Variants in KLHL5 observed in about 807,000 individuals in gnomAD.
KLHL5 encodes the protein kelch like family member 5.
In KLHL5, 48 loss-of-function variants were observed where a neutral mutation model predicts 77.7. The observed-to-expected ratio is 0.62, with a 90% CI of 0.49 to 0.79. The LOEUF (loss-of-function observed/expected upper bound fraction) is 0.79, where lower values mean the gene tolerates loss of function less well. KLHL5 is among the 30% of genes least tolerant of loss of function. The pLI is 0.00. For missense variants in KLHL5, 723 were observed against 859.7 expected (o/e 0.84, Z 1.99); for synonymous variants, 260 against 297.0 (o/e 0.88, Z 1.28).
Position 39,062,466 on chromosome 4 carries a change from G to GTTCT in KLHL5, c.-184_-181dup, listed in dbSNP as rs527903313. 2.3e-4 allele frequency: 353 copies of GTTCT among 1,566,232 alleles called. 4 individuals carry two copies. In the East Asian group the frequency reaches 6.6e-3, roughly 29 times the overall value. On this transcript the variant is annotated 5_prime_UTR_variant, in exon 1 of 11. An upstream open reading frame in the 5' UTR gains an earlier in-frame stop. Coordinates refer to ENST00000504108, the MANE Select transcript of KLHL5 (RefSeq NM_015990.5). ...GTTTCATCTTTATTCATTATCCTTT[G>GTTCT]TTCTTTAAAATCTGATATATTGGCA...
intron 8 of KLHL5, among the ~76,000 whole-genome samples, chr4:39,110,781 G>T (rs1722401342): frequency 6.6e-6 from 1 of 152,004 alleles, no homozygotes; most frequent in African/African-American, 2.4e-5. Flanking sequence ...TTGCATTCTT[G>T]ATCATAATTT....
chr4:39,134,442 T>C, the KLHL5 span, among the ~76,000 whole-genome samples: 1 of 152,216 alleles, frequency 6.6e-6, no homozygotes, highest in African/African-American at 2.4e-5. Flanking sequence ...GCAAACTAGC[T>C]AGTAAATGTC....
At chr4:39,130,062 G>C (rs1204029011), downstream of KLHL5, among the ~76,000 whole-genome samples, 4 of 152,140 alleles carry the variant, frequency 2.6e-5, no homozygotes, top group Admixed American at 2.6e-4. Flanking sequence ...GCTCGGTCGG[G>C]GAGACCCTAA....
chr4:39,139,546 AG>A, the KLHL5 span, among the ~76,000 whole-genome samples: 1 of 152,230 alleles, frequency 6.6e-6, no homozygotes, highest in Admixed American at 6.5e-5. Context: ...TGTGGACTTT[AG>A]GTGATGATGC....
intron 1 of KLHL5, among the ~76,000 whole-genome samples, chr4:39,054,271 C>G (rs2711955): frequency 0.73 from 110,587 of 152,022 alleles, 40,375 homozygotes; most frequent in East Asian, 0.82. Context: ...GCAAGAAGCA[C>G]TGTGGTGTAT....
At chr4:39,137,706 G>C in the KLHL5 span, among the ~76,000 whole-genome samples, 2 of 152,158 alleles carry the variant, frequency 1.3e-5, no homozygotes, top group East Asian at 3.8e-4. Context: ...AGGTGAACCG[G>C]GAACATCTTA....
chr4:39,103,275 A>G lies in KLHL5; in HGVS notation c.1301-12A>G, dbSNP rs1480051915. ...ATTTCTATTTACATAACTTCTATAT[A>G]TTACTATGAAGGAGCAACAAGCATT... On this transcript the variant is annotated splice_polypyrimidine_tract_variant and intron_variant, in intron 6 of 10. Transcript: ENST00000504108. The G allele has an allele frequency of 6.3e-7, 1 of 1,584,298 alleles. No homozygotes were observed. Among genetic ancestry groups the G allele is most frequent in the Non-Finnish European group, 8.6e-7 (1 of 1,159,158 alleles).
chr4:39,130,598 T>A (rs540809936), downstream of KLHL5, among the ~76,000 whole-genome samples: 185 of 152,218 alleles, frequency 1.2e-3, no homozygotes, highest in African/African-American at 3.9e-3. Flanking sequence ...TCACTCCAGG[T>A]GTGACATCTT....
At chr4:39,128,388 G>A (rs1250192664), downstream of KLHL5, among the ~76,000 whole-genome samples, 1 of 152,134 alleles carries the variant, frequency 6.6e-6, no homozygotes, top group East Asian at 1.9e-4. Flanking sequence ...TAGGAGAGGG[G>A]TGGAAAGCCT....
intron 2 of KLHL5, among the ~76,000 whole-genome samples, chr4:39,077,694 TAAA>T (rs60744492): frequency 1.6e-5 from 2 of 128,598 alleles, no homozygotes; most frequent in Admixed American, 7.7e-5. Context: ...GAACTAAAGG[TAAA>T]AAAAAAAAAA....
At chr4:39,082,729 T>A (rs765093444) in intron 4 of KLHL5, among the ~76,000 whole-genome samples, 1 of 152,184 alleles carries the variant, frequency 6.6e-6, no homozygotes, top group Non-Finnish European at 1.5e-5. Context: ...CAAACCCCCA[T>A]GATACAAGTG....
chr4:39,134,046 G>A, the KLHL5 span: 1 of 152,014 alleles, frequency 6.6e-6, no homozygotes, highest in Non-Finnish European at 1.5e-5. Context: ...AAAGAAAATG[G>A]TAAGCCAAGG....
At chr4:39,068,293 A>C (rs1441631759) in intron 1 of KLHL5, among the ~76,000 whole-genome samples, 1 of 152,054 alleles carries the variant, frequency 6.6e-6, no homozygotes, top group Non-Finnish European at 1.5e-5. Context: ...ATGTGTTTCC[A>C]GGGATAGCAG....
rs3043410 is a variant in KLHL5 at position 39,105,150 on chromosome 4, A to T, written c.1525+1639A>T. 9.8e-3 allele frequency among the ~76,000 whole-genome samples: 1,449 copies of T among 147,214 alleles called. 30 individuals are homozygous for T. The highest frequency in any genetic ancestry group is 0.034 in the African/African-American group (1,356 of 40,124). ...TCATTTAAAAAAGGAGTTCTGCTAA[A>T]TTTTTTTTTTTTTTGAGACAGGTTC... On this transcript the variant is annotated intron_variant, in intron 7 of 10. Transcript: ENST00000504108.
upstream of KLHL5, chr4:39,062,146 T>G (rs76396351): frequency 0.044 from 30,026 of 684,962 alleles, 782 homozygotes; most frequent in Non-Finnish European, 0.05. Context: ...AAGTGATTAT[T>G]TTTAAGTACA....
At chr4:39,091,842 G>GTTTTTTTTT (rs372831946) in intron 5 of KLHL5, among the ~76,000 whole-genome samples, 6 of 52,426 alleles carry the variant, frequency 1.1e-4, no homozygotes, top group South Asian at 8.6e-4. Flanking sequence ...CATCTGACTA[G>GTTTTTTTTT]TTTTTTTTTT....
At chr4:39,114,652 C>T (rs1391781442) in intron 9 of KLHL5, among the ~76,000 whole-genome samples, 1 of 152,208 alleles carries the variant, frequency 6.6e-6, no homozygotes, top group African/African-American at 2.4e-5. Context: ...TACTTGGCCC[C>T]ATGAATTATG....
At chr4:39,118,694 TGCAGTAA>T (rs1335806949) in intron 10 of KLHL5, among the ~76,000 whole-genome samples, 1 of 151,840 alleles carries the variant, frequency 6.6e-6, no homozygotes, top group African/African-American at 2.4e-5. Context: ...AGGCAGAGGT[TGCAGTAA>T]GCCAAGATCA....
intron 1 of KLHL5, among the ~76,000 whole-genome samples, chr4:39,072,503 G>T (rs1718573907): frequency 6.6e-6 from 1 of 152,164 alleles, no homozygotes; most frequent in African/African-American, 2.4e-5. Context: ...TGATGGAAAT[G>T]TTCCATATCT....
Sources: allele counts gnomAD v4.1 joint callset (sites outside exome capture counted in the v4.1 genomes callset), GRCh38; gene constraint gnomAD v4.1.1; transcripts MANE v1.5; gene names NCBI Gene and HGNC (gene_info 2026-07-23, HGNC 2026-07-21).